Variants in TTC23L observed in about 807,000 individuals in gnomAD.
TTC23L encodes the protein tetratricopeptide repeat domain 23 like, also known as tetratricopeptide repeat protein 23-like.
In TTC23L, 42 loss-of-function variants were observed where a neutral mutation model predicts 48.1. That is an observed-to-expected ratio of 0.87 (90% CI 0.68 to 1.13). TTC23L has a LOEUF of 1.13. TTC23L is among the 50% of genes most tolerant of loss of function. The pLI, the probability that TTC23L is intolerant of heterozygous loss-of-function variation, is 0.00. For missense variants in TTC23L, 391 were observed against 421.0 expected (o/e 0.93, Z 0.62); for synonymous variants, 159 against 157.2 (o/e 1.01, Z -0.09).
At chr5:34,901,998 A>C (rs1348255829), downstream of TTC23L, among the ~76,000 whole-genome samples, 2 of 152,226 alleles carry the variant, frequency 1.3e-5, no homozygotes, top group Non-Finnish European at 2.9e-5. Context: ...CTAGCGAAAG[A>C]ATTTGCAATC....
intron 4 of TTC23L, among the ~76,000 whole-genome samples, chr5:34,859,476 G>A (rs999289025): frequency 6.6e-6 from 1 of 152,144 alleles, no homozygotes; most frequent in African/African-American, 2.4e-5. Context: ...CCAAAGTTCA[G>A]GTGTTGCCAC....
chr5:34,861,547 G>C (rs989012863), intron 4 of TTC23L: 2 of 152,190 alleles, frequency 1.3e-5, no homozygotes, highest in African/African-American at 4.8e-5. Context: ...AAGGGAGAAG[G>C]GACCTGGGTC....
chr5:34,880,356 T>C, intron 9 of TTC23L, 48 bp downstream of exon 9: 1 of 1,550,816 alleles, frequency 6.4e-7, no homozygotes, highest in Non-Finnish European at 8.7e-7. Flanking sequence ...GTTTATTAGA[T>C]CACAATAGCA....
chr5:34,905,665 C>T, the TTC23L span: 4 of 152,038 alleles, frequency 2.6e-5, no homozygotes, highest in African/African-American at 9.7e-5. Context: ...AAAGACAGAA[C>T]TAAAAGTCTT....
the TTC23L span, chr5:34,922,987 C>T: frequency 1.3e-6 from 2 of 1,499,214 alleles, no homozygotes; most frequent in Non-Finnish European, 1.9e-6. Flanking sequence ...AATATGCTTA[C>T]CTTATTTTTA....
chr5:34,923,208 A>G, the TTC23L span: 70 of 1,613,758 alleles, frequency 4.3e-5, no homozygotes, highest in East Asian at 1.3e-4. Flanking sequence ...CATTTTGGAT[A>G]ATAGGATATG....
At chr5:34,864,377 T>C in intron 5 of TTC23L, 60 bp from the exon 6 acceptor site, 1 of 1,577,076 alleles carries the variant, frequency 6.3e-7, no homozygotes, top group Non-Finnish European at 8.6e-7. Context: ...CCTTATCACC[T>C]GCTGTCCCTG....
chr5:34,898,739 C>A (rs1763379249), intron 10 of TTC23L, among the ~76,000 whole-genome samples: 1 of 152,230 alleles, frequency 6.6e-6, no homozygotes, highest in South Asian at 2.1e-4. Context: ...ACCCCAAGTT[C>A]ATAAAATTTT....
At chr5:34,906,407 G>A in the TTC23L span, 2 of 152,178 alleles carry the variant, frequency 1.3e-5, no homozygotes, top group African/African-American at 2.4e-5. Context: ...GGGAGGCCGA[G>A]GCGGGTGGAT....
intron 7 of TTC23L, chr5:34,868,525 C>T: frequency 6.0e-6 from 1 of 166,296 alleles, no homozygotes; most frequent in South Asian, 1.6e-4. Context: ...CTTTTTATAA[C>T]AAATACTATT....
chr5:34,848,139 T>C (rs1164509213), intron 3 of TTC23L, among the ~76,000 whole-genome samples: 3 of 152,120 alleles, frequency 2.0e-5, no homozygotes, highest in Non-Finnish European at 4.4e-5. Context: ...TAAACAAACA[T>C]TAGAACCAGG....
At chr5:34,840,841 G>T (rs557272101) in intron 2 of TTC23L, 102 bp downstream of exon 2, 4 of 1,084,810 alleles carry the variant, frequency 3.7e-6, no homozygotes, top group Admixed American at 3.4e-5. Context: ...CATGAGAAGC[G>T]TTCACGACCA....
chr5:34,924,613 T>C, the TTC23L span, among the ~76,000 whole-genome samples: 2 of 152,226 alleles, frequency 1.3e-5, no homozygotes, highest in Non-Finnish European at 2.9e-5. Flanking sequence ...AACCAAAATC[T>C]AATTACTCAA....
intron 9 of TTC23L, among the ~76,000 whole-genome samples, chr5:34,889,119 G>C (rs991599811): frequency 5.9e-5 from 9 of 152,032 alleles, no homozygotes; most frequent in Non-Finnish European, 8.8e-5. Context: ...TATTGACCTC[G>C]AACTGTTCTC....
the TTC23L span, chr5:34,909,167 AT>A: frequency 1.9e-6 from 2 of 1,071,322 alleles, no homozygotes; most frequent in South Asian, 3.0e-5. Flanking sequence ...GTGCATTTTA[AT>A]TAACAGATTG....
downstream of TTC23L, among the ~76,000 whole-genome samples, chr5:34,903,251 T>C (rs1332269103): frequency 1.3e-5 from 2 of 152,234 alleles, no homozygotes; most frequent in South Asian, 2.1e-4. Context: ...CTGAATCATA[T>C]AATTTTAACA....
chr5:34,888,446 C>T (rs1762666258), intron 9 of TTC23L: 1 of 984,096 alleles, frequency 1.0e-6, no homozygotes, highest in African/African-American at 1.7e-5. Context: ...TGTTTCTCAC[C>T]TCACCTAGTG....
intron 4 of TTC23L, 128 bp from the exon 5 acceptor site, chr5:34,862,770 T>C: frequency 9.1e-7 from 1 of 1,101,296 alleles, no homozygotes; most frequent in East Asian, 2.6e-5. Context: ...ACAGCCAGAT[T>C]TAGGAACCAA....
At chr5:34,885,476 C>T (rs1262438863) in intron 9 of TTC23L, among the ~76,000 whole-genome samples, 1 of 152,106 alleles carries the variant, frequency 6.6e-6, no homozygotes, top group Non-Finnish European at 1.5e-5. Context: ...TGCGATGGCT[C>T]ATGCCTGTCT....
Sources: gnomAD v4.1 joint callset for allele counts (sites outside exome capture counted in the v4.1 genomes callset) on GRCh38, gnomAD v4.1.1 for gene constraint, MANE v1.5 for transcripts, NCBI Gene and HGNC (gene_info 2026-07-23, HGNC 2026-07-21) for gene names.